Variants in CFAP54 observed in about 807,000 individuals in gnomAD.
The protein encoded by CFAP54 is cilia and flagella associated protein 54.
In CFAP54, 290 loss-of-function variants were observed where a neutral mutation model predicts 370.4. The ratio of observed to expected loss-of-function variants is 0.78; its 90% CI spans 0.71 to 0.86. The LOEUF (loss-of-function observed/expected upper bound fraction) is 0.86. Among genes scored for constraint, CFAP54 ranks in the 40% least tolerant of loss-of-function variants. The pLI is 0.00. For missense variants in CFAP54, 3,399 were observed against 3,528.7 expected (o/e 0.96, Z 0.93); for synonymous variants, 1,206 against 1,236.5 (o/e 0.98, Z 0.52).
At chr12:96,863,153 TTGGATGGATGGATGGATGGA>T (rs10537908) in intron 67 of CFAP54, among the ~76,000 whole-genome samples, 3 of 148,134 alleles carry the variant, frequency 2.0e-5, no homozygotes, top group African/African-American at 7.5e-5. Flanking sequence ...TCTATATTTG[TTGGATGGATGGATGGATGGA>T]TGGATGGATG....
intron 66 of CFAP54, among the ~76,000 whole-genome samples, chr12:96,850,633 G>A (rs549730443): frequency 6.6e-6 from 1 of 152,118 alleles, no homozygotes; most frequent in Admixed American, 6.6e-5. Flanking sequence ...TCATGGGTGT[G>A]TATATTAGTT....
At chr12:96,494,605 T>G (rs566239315) in intron 1 of CFAP54, among the ~76,000 whole-genome samples, 1 of 152,038 alleles carries the variant, frequency 6.6e-6, no homozygotes, top group East Asian at 1.9e-4. Flanking sequence ...ACGGCCTAAT[T>G]TTTGTTTTAA....
chr12:96,726,765 GT>G (rs1200656592), intron 50 of CFAP54, among the ~76,000 whole-genome samples: 9 of 152,190 alleles, frequency 5.9e-5, no homozygotes, highest in Middle Eastern at 3.4e-3. Flanking sequence ...TAATTGTGAT[GT>G]TAGGGTGTCA....
At chr12:96,783,811 G>A (rs1039096299) in intron 60 of CFAP54, among the ~76,000 whole-genome samples, 3 of 152,178 alleles carry the variant, frequency 2.0e-5, no homozygotes, top group East Asian at 1.9e-4. Flanking sequence ...GCTTGAACCC[G>A]GGAGGAGAAG....
At position 96,693,770 on chromosome 12, in the gene CFAP54, C is replaced by G. The variant is rs1957413000; in HGVS notation, c.6313C>G (p.Gln2105Glu). 6.3e-7 allele frequency: 1 copy of G among 1,597,984 alleles called. No homozygotes were observed. The part of the protein sequence containing the change: ...LYQYFVSGIC[Q>E]DITRNLEARI... The stretch of plus-strand genomic sequence containing the variant: ...TCAATATTTTGTTTCTGGAATTTGT[C>G]AAGACATAACAAGAAATCTAGAAGC... Residue 2105 changes from glutamine (Q) to glutamate (E), a missense_variant, in exon 45 of 68, where the codon CAA (glutamine) becomes GAA (glutamate). This residue lies in a region of CFAP54 where 2,796 missense variants were observed against 2,869.7 expected (regional missense o/e 0.97). Transcript: ENST00000524981.
intron 26 of CFAP54, among the ~76,000 whole-genome samples, chr12:96,612,967 C>T (rs1956375321): frequency 6.6e-6 from 1 of 152,066 alleles, no homozygotes; most frequent in Non-Finnish European, 1.5e-5. Flanking sequence ...ATCAATGAGA[C>T]AGAAAGTTAA....
At chr12:96,536,598 A>G (rs1048241148) in intron 12 of CFAP54, among the ~76,000 whole-genome samples, 8 of 149,370 alleles carry the variant, frequency 5.4e-5, no homozygotes, top group Non-Finnish European at 7.4e-5. Flanking sequence ...ACTTTCCTTT[A>G]TCTGTTTTTC....
intron 66 of CFAP54, among the ~76,000 whole-genome samples, chr12:96,859,068 A>G (rs1199723582): frequency 6.6e-6 from 1 of 152,152 alleles, no homozygotes; most frequent in East Asian, 1.9e-4. Context: ...ACATAGACCA[A>G]TGGAACAGAA....
At chr12:96,821,702 T>TAAAAAAAAAAA (rs10577712) in intron 65 of CFAP54, among the ~76,000 whole-genome samples, 1 of 131,902 alleles carries the variant, frequency 7.6e-6, no homozygotes, top group Non-Finnish European at 1.6e-5. Context: ...AGCACTTTAT[T>TAAAAAAAAAAA]AAAAAAAAAA....
chr12:96,685,356 A>G (rs1036793303), intron 42 of CFAP54, 118 bp downstream of exon 42: 15 of 804,382 alleles, frequency 1.9e-5, no homozygotes, highest in South Asian at 1.5e-4. Flanking sequence ...GGTTATGTCC[A>G]TATCATACAG....
intron 55 of CFAP54, 121 bp from the exon 56 acceptor site, chr12:96,753,620 CTG>C (rs1326065221): frequency 6.6e-6 from 6 of 911,476 alleles, no homozygotes; most frequent in African/African-American, 5.1e-5. Context: ...ATGCTAAAAA[CTG>C]TAAAAACTAC....
intron 66 of CFAP54, among the ~76,000 whole-genome samples, chr12:96,850,448 A>G (rs764827390): frequency 5.3e-5 from 8 of 152,148 alleles, no homozygotes; most frequent in South Asian, 4.2e-4. Flanking sequence ...GGACTTGCCA[A>G]TGGTTGACAG....
intron 50 of CFAP54, among the ~76,000 whole-genome samples, chr12:96,722,508 C>G (rs559811086): frequency 6.6e-6 from 1 of 152,108 alleles, no homozygotes; most frequent in Admixed American, 6.5e-5. Context: ...CAAGGGAGAT[C>G]GGCAAAGAGG....
chr12:96,504,935 C>T (rs1367784850), intron 3 of CFAP54, among the ~76,000 whole-genome samples: 1 of 150,924 alleles, frequency 6.6e-6, no homozygotes, highest in African/African-American at 2.4e-5. Flanking sequence ...ATTTTTCTTT[C>T]TTCCTCTTTC....
At chr12:96,755,277 T>C (rs1958240542) in intron 56 of CFAP54, among the ~76,000 whole-genome samples, 1 of 152,214 alleles carries the variant, frequency 6.6e-6, no homozygotes, top group Non-Finnish European at 1.5e-5. Flanking sequence ...TTGATACATG[T>C]ATATATTGTG....
At chr12:96,553,240 T>C (rs983997126) in intron 15 of CFAP54, among the ~76,000 whole-genome samples, 5 of 152,118 alleles carry the variant, frequency 3.3e-5, no homozygotes, top group Non-Finnish European at 7.4e-5. Flanking sequence ...GACTGACCCA[T>C]TGAGTTACAT....
In CFAP54 at chr12:96,733,702, TTCTA is replaced by T. The variant is rs1045641937; in HGVS notation, c.6966-6250_6966-6247del. 3.3e-5 allele frequency among the ~76,000 whole-genome samples: 5 copies of T among 152,320 alleles called. No homozygotes were observed. The East Asian group carries it at 5.8e-4, about 18-fold the overall frequency. ...TGGCAGTAGGTAATCCTCACATACT[TTCTA>T]TCTGTCTAGTGTAGTGGAGAAACTA... On this transcript the variant is annotated intron_variant, in intron 50 of 67. Coordinates refer to ENST00000524981, the MANE Select transcript of CFAP54 (RefSeq NM_001306084.2).
At chr12:96,800,572 T>G (rs1454786932) in intron 63 of CFAP54, among the ~76,000 whole-genome samples, 1 of 152,222 alleles carries the variant, frequency 6.6e-6, no homozygotes, top group Non-Finnish European at 1.5e-5. Flanking sequence ...ATGCACTAGA[T>G]CTCAGACTCC....
At chr12:96,621,502 G>A in intron 26 of CFAP54, 88 bp from the exon 27 acceptor site, 1 of 946,076 alleles carries the variant, frequency 1.1e-6, no homozygotes, top group South Asian at 3.1e-5. Flanking sequence ...AACTCTATGG[G>A]GCTTTTGAAT....
Sources: gnomAD v4.1 joint callset for allele counts (sites outside exome capture counted in the v4.1 genomes callset) on GRCh38, gnomAD v4.1.1 for gene constraint, gnomAD v4.1.1 regional missense constraint, MANE v1.5 for transcripts, NCBI Gene and HGNC (gene_info 2026-07-23, HGNC 2026-07-21) for gene names.